Variants in R3HDM2 observed in about 807,000 individuals in gnomAD.
The protein encoded by R3HDM2 is R3H domain containing 2.
In R3HDM2, 38 loss-of-function variants were observed where a neutral mutation model predicts 124.5. That is an observed-to-expected ratio of 0.31 (90% CI 0.24 to 0.40). The LOEUF (loss-of-function observed/expected upper bound fraction) is 0.40. R3HDM2 is among the 10% of genes least tolerant of loss of function. The probability of loss-of-function intolerance (pLI) is 1.00; values close to 1 mark genes in which losing one functional copy is unlikely to be tolerated. For missense variants in R3HDM2, 869 were observed against 1,236.9 expected, an observed-to-expected ratio of 0.70 and a Z score of 4.46; for synonymous variants, 391 against 448.0, an observed-to-expected ratio of 0.87 and a Z score of 1.61.
intron 2 of R3HDM2, among the ~76,000 whole-genome samples, chr12:57,380,630 T>C (rs2064726328): frequency 1.3e-5 from 2 of 152,176 alleles, no homozygotes; most frequent in Non-Finnish European, 2.9e-5. Context: ...ATCTTAAAAC[T>C]CTTGGTGACC....
At chr12:57,355,054 G>A (rs879439481) in intron 2 of R3HDM2, among the ~76,000 whole-genome samples, 10 of 151,890 alleles carry the variant, frequency 6.6e-5, no homozygotes, top group Admixed American at 6.6e-4. Context: ...CCACAGTGCT[G>A]GGATTACAGG....
At chr12:57,354,705 T>C (rs976690517) in intron 2 of R3HDM2, among the ~76,000 whole-genome samples, 1 of 152,190 alleles carries the variant, frequency 6.6e-6, no homozygotes, top group South Asian at 2.1e-4. Context: ...TTTAATTGGG[T>C]TGTCTTCTTA....
intron 2 of R3HDM2, among the ~76,000 whole-genome samples, chr12:57,381,876 G>A (rs1252214181): frequency 1.3e-5 from 2 of 152,074 alleles, no homozygotes; most frequent in East Asian, 3.9e-4. Context: ...GGAGTGTAGT[G>A]GTATAATCAT....
At chr12:57,318,822 T>A (rs1468679502) in intron 2 of R3HDM2, among the ~76,000 whole-genome samples, 2 of 152,192 alleles carry the variant, frequency 1.3e-5, no homozygotes, top group African/African-American at 2.4e-5. Flanking sequence ...TATTTATTCT[T>A]ACTATTATCA....
intron 1 of R3HDM2, among the ~76,000 whole-genome samples, chr12:57,430,271 C>T (rs1169210718): frequency 1.3e-5 from 2 of 152,096 alleles, no homozygotes; most frequent in Non-Finnish European, 2.9e-5. Context: ...AGAAACATCT[C>T]CCTGTATGTG....
At chr12:57,266,615 G>A (rs1221314263) in intron 19 of R3HDM2, 116 bp downstream of exon 19, 89 of 789,118 alleles carry the variant, frequency 1.1e-4, no homozygotes, top group Non-Finnish European at 1.3e-5. Context: ...TGGAGTCACA[G>A]TGGGGACAGA....
At chr12:57,355,825 CCT>C (rs1442867690) in intron 2 of R3HDM2, among the ~76,000 whole-genome samples, 5 of 152,040 alleles carry the variant, frequency 3.3e-5, no homozygotes, top group African/African-American at 1.2e-4. Context: ...CAAATTTAGC[CCT>C]GAGTATTTCA....
intron 9 of R3HDM2, 174 bp from the exon 10 acceptor site, chr12:57,295,681 T>C (rs1055773221): frequency 1.7e-6 from 1 of 581,094 alleles, no homozygotes; most frequent in Non-Finnish European, 3.1e-6. Context: ...GGTCTGTACT[T>C]TATACATCTA....
chr12:57,271,437 TACACACACAC>T (rs34695167), intron 14 of R3HDM2, among the ~76,000 whole-genome samples: 1 of 149,420 alleles, frequency 6.7e-6, no homozygotes, highest in Non-Finnish European at 1.5e-5. Flanking sequence ...TGGACAGTAA[TACACACACAC>T]ACACACACAC....
intron 8 of R3HDM2, 49 bp downstream of exon 8, chr12:57,297,279 C>T (rs2050100089): frequency 9.9e-7 from 1 of 1,007,822 alleles, no homozygotes. Context: ...AAATTTATTT[C>T]CAGTGCCCCC....
chr12:57,270,136 A>G, intron 14 of R3HDM2, 142 bp from the exon 15 acceptor site: 1 of 998,128 alleles, frequency 1.0e-6, no homozygotes, highest in South Asian at 1.6e-5. Context: ...GTGCTGTGCT[A>G]TGAATTGAAT....
chr12:57,283,892 G>C lies in R3HDM2; in HGVS notation c.1103C>G (p.Ser368Cys). ...GATGCTGTCACCTCGGGTAAGGATA[G>C]AGATTCCACTGAAGCTGCTAGCTTT... is the stretch of plus-strand genomic sequence containing the variant. The part of the protein sequence containing the change: ...VTKASSFSGI[S>C]ILTRGDSIGS... The change falls in exon 13 of 24, where the codon TCT becomes TGT. Residue 368 changes from serine (S) to cysteine (C), a missense_variant. This residue lies in a region of R3HDM2 where 602 missense variants were observed against 789.2 expected (regional missense o/e 0.76). Coordinates refer to ENST00000402412, the MANE Select transcript of R3HDM2 (RefSeq NM_001394031.1). 3 of 1,614,210 alleles carry C rather than the reference G, an allele frequency of 1.9e-6. No homozygotes were observed. Among genetic ancestry groups the C allele is most frequent in the Non-Finnish European group, 2.5e-6 (3 of 1,180,034 alleles).
At chr12:57,263,444 C>T (rs892472531) in intron 19 of R3HDM2, among the ~76,000 whole-genome samples, 3 of 152,180 alleles carry the variant, frequency 2.0e-5, no homozygotes, top group African/African-American at 7.2e-5. Context: ...TTAAAAACCT[C>T]AGCCTGTATG....
chr12:57,348,729 A>G (rs2060339327), intron 2 of R3HDM2, among the ~76,000 whole-genome samples: 1 of 134,848 alleles, frequency 7.4e-6, no homozygotes, highest in Non-Finnish European at 1.6e-5. Context: ...AAAGAGAGAG[A>G]AAAATTAGCC....
At chr12:57,394,541 A>G (rs985946631) in intron 2 of R3HDM2, among the ~76,000 whole-genome samples, 2 of 152,154 alleles carry the variant, frequency 1.3e-5, no homozygotes, top group Admixed American at 6.5e-5. Context: ...GCGCATGTAT[A>G]CCTTTAATAT....
chr12:57,357,242 A>G (rs908267582), intron 2 of R3HDM2, among the ~76,000 whole-genome samples: 1 of 152,036 alleles, frequency 6.6e-6, no homozygotes, highest in East Asian at 1.9e-4. Flanking sequence ...TGGGTGAATC[A>G]CCTGAGGTCA....
chr12:57,350,602 C>T (rs1432022417), intron 2 of R3HDM2, among the ~76,000 whole-genome samples: 1 of 152,122 alleles, frequency 6.6e-6, no homozygotes, highest in African/African-American at 2.4e-5. Flanking sequence ...CACTGCACTC[C>T]AGATGGGGCA....
Position 57,374,082 on chromosome 12 carries a change from C to T in R3HDM2, c.-36+21667G>A, listed in dbSNP as rs902325867. ...GACAGAGGTTGCAGTGAGATGAGAT[C>T]GCACCACTGCACTCCAGCCTGGGTG... On this transcript the variant is annotated intron_variant, in intron 2 of 23. Coordinates refer to ENST00000402412, the MANE Select transcript of R3HDM2 (RefSeq NM_001394031.1). Among the ~76,000 whole-genome samples the T allele has an allele frequency of 3.9e-5, 6 of 152,056 alleles. No homozygotes were observed. In the South Asian group the frequency reaches 1.0e-3, roughly 26 times the overall value.
intron 14 of R3HDM2, among the ~76,000 whole-genome samples, chr12:57,277,241 G>C (rs2045041922): frequency 6.6e-6 from 1 of 151,936 alleles, no homozygotes; most frequent in African/African-American, 2.4e-5. Flanking sequence ...TAAGTAAATT[G>C]GGCAAAAGGG....
Sources: gnomAD v4.1 joint callset for allele counts (sites outside exome capture counted in the v4.1 genomes callset) on GRCh38, gnomAD v4.1.1 for gene constraint, gnomAD v4.1.1 regional missense constraint, MANE v1.5 for transcripts, NCBI Gene and HGNC (gene_info 2026-07-23, HGNC 2026-07-21) for gene names.